The following ESRP1 variants were observed in gnomAD, a reference collection of about 807,000 sequenced individuals.
The protein encoded by ESRP1 is RNA-binding motif protein 35A.
ESRP1 carries 33 observed loss-of-function variants against 81.7 expected under a neutral mutation model. The observed-to-expected ratio is 0.40, with a 90% CI of 0.31 to 0.54. The LOEUF (loss-of-function observed/expected upper bound fraction) is 0.54. ESRP1 is among the 20% of genes least tolerant of loss of function. ESRP1 has a pLI of 0.41. For missense variants in ESRP1, 672 were observed against 833.1 expected, an observed-to-expected ratio of 0.81 and a Z score of 2.38; for synonymous variants, 320 against 303.3, an observed-to-expected ratio of 1.06 and a Z score of -0.57.
At chr8:94,703,316 A>G (rs1329984062) in intron 15 of ESRP1, among the ~76,000 whole-genome samples, 2 of 151,776 alleles carry the variant, frequency 1.3e-5, no homozygotes, top group Non-Finnish European at 2.9e-5. Context: ...CGCTACTCCC[A>G]GCTTATTTAT....
chr8:94,703,976 G>GGA (rs1185053356), intron 15 of ESRP1, among the ~76,000 whole-genome samples: 10 of 152,152 alleles, frequency 6.6e-5, no homozygotes, highest in Non-Finnish European at 2.9e-5. Context: ...TAGTGTCAAA[G>GGA]GAGAAGCCTT....
chr8:94,683,669 A>G (rs1483180988), intron 13 of ESRP1, among the ~76,000 whole-genome samples: 3 of 152,228 alleles, frequency 2.0e-5, no homozygotes, highest in African/African-American at 7.2e-5. Flanking sequence ...AAATGATGCT[A>G]GAAATAATAG....
rs188240017 is a variant in ESRP1 at position 94,700,212 on chromosome 8, G to A, written c.*35+3251G>A. 1.7e-3 allele frequency among the ~76,000 whole-genome samples: 256 copies of A among 152,286 alleles called. 1 individual carries two copies. The highest frequency in any genetic ancestry group is 6.0e-3 in the African/African-American group (249 of 41,558). Reference sequence around the variant, plus strand: ...TCCAGTGGACTGCATGGTGGCTACCGAGATACGTCCACATCCTGATCCCTG... The same window carrying A: ...TCCAGTGGACTGCATGGTGGCTACCAAGATACGTCCACATCCTGATCCCTG... On this transcript the variant is annotated intron_variant, in intron 15 of 15. Transcript: ENST00000433389.
intron 15 of ESRP1, among the ~76,000 whole-genome samples, chr8:94,700,743 C>T (rs1000768570): frequency 3.3e-5 from 5 of 151,492 alleles, no homozygotes; most frequent in Non-Finnish European, 7.4e-5. Context: ...TCCTGGCTAA[C>T]ACGGTGAAAC....
At chr8:94,682,478 C>A (rs771551468) in intron 13 of ESRP1, among the ~76,000 whole-genome samples, 1 of 152,008 alleles carries the variant, frequency 6.6e-6, no homozygotes. Flanking sequence ...GCGATCCTCA[C>A]GCCTCAGTCT....
intron 3 of ESRP1, 40 bp downstream of exon 3, chr8:94,643,456 T>C (rs1235745301): frequency 7.2e-7 from 1 of 1,384,430 alleles, no homozygotes; most frequent in Admixed American, 1.8e-5. Context: ...GGTTGGAGCT[T>C]TGGGGTGACT....
intron 15 of ESRP1, among the ~76,000 whole-genome samples, chr8:94,705,156 CTTTTTTTTTTTTT>C (rs57801249): frequency 2.4e-4 from 22 of 90,554 alleles, no homozygotes; most frequent in South Asian, 1.2e-3. Flanking sequence ...TGCCTTATTG[CTTTTTTTTTTTTT>C]TTTTTTTTTT....
chr8:94,691,170 G>A lies in ESRP1; in HGVS notation c.1821-1507G>A, dbSNP rs181664775. ...AATCTCACATTGTGATCACATAGTAGCCTTTAAAATATATTTATATCAATG... is the reference window on the plus strand; with the variant it reads ...AATCTCACATTGTGATCACATAGTAACCTTTAAAATATATTTATATCAATG... On this transcript the variant is annotated intron_variant, in intron 13 of 15. Coordinates refer to ENST00000433389, the MANE Select transcript of ESRP1 (RefSeq NM_017697.4). Among the ~76,000 whole-genome samples, 10 of 152,218 alleles carry A rather than the reference G, an allele frequency of 6.6e-5. No homozygotes were observed. In the East Asian group the frequency reaches 1.9e-3, roughly 29 times the overall value.
intron 14 of ESRP1, among the ~76,000 whole-genome samples, chr8:94,694,598 T>C (rs59847618): frequency 0.02 from 3,100 of 152,296 alleles, 97 homozygotes; most frequent in African/African-American, 0.069. Flanking sequence ...AACGAGACTC[T>C]GTTTCAGAAA....
rs1177357708 is a variant in ESRP1, at chr8:94,695,348, C to CTTTTTTTTTTTTTT, written c.1972-1493_1972-1480dup. On this transcript the variant is annotated intron_variant, in intron 14 of 15. Transcript: ENST00000433389. ...GAGTAAATAAAATTTCTTTTTCTTT[C>CTTTTTTTTTTTTTT]TTTTTTTTTTTTTTTTTTTTTTTTG... 2.9e-4 allele frequency among the ~76,000 whole-genome samples: 18 copies of CTTTTTTTTTTTTTT among 61,174 alleles called. 2 individuals carry two copies. Among genetic ancestry groups the CTTTTTTTTTTTTTT allele is most frequent in the African/African-American group, 9.5e-4 (16 of 16,854 alleles). 40.1% of individuals were successfully genotyped at this position (61,174 alleles called of 152,430 possible). A position where few individuals can be genotyped will look rare whatever the true frequency, so the allele number is the denominator to read the frequency against.
intron 4 of ESRP1, 67 bp from the exon 5 acceptor site, chr8:94,662,205 T>C: frequency 9.8e-7 from 1 of 1,022,028 alleles, no homozygotes; most frequent in Non-Finnish European, 1.4e-6. Context: ...TTGGTATAGG[T>C]TTAATTTTGA....
rs765366869 is a variant in ESRP1 at position 94,664,822 on chromosome 8, A to G, written c.755+15A>G. On this transcript the variant is annotated intron_variant, in intron 7 of 15. Transcript: ENST00000433389. Reference sequence around the variant, plus strand: ...AATATTGCCAAGTTGGTTTTCTTAAATATCTATTTTACTTAACAATCCCAA... The same window carrying G: ...AATATTGCCAAGTTGGTTTTCTTAAGTATCTATTTTACTTAACAATCCCAA... The G allele has an allele frequency of 1.9e-6, 3 of 1,612,872 alleles. No homozygotes were observed. Among genetic ancestry groups the G allele is most frequent in the Non-Finnish European group, 2.5e-6 (3 of 1,179,080 alleles).
At chr8:94,654,817 G>A (rs1818315146) in intron 4 of ESRP1, among the ~76,000 whole-genome samples, 1 of 151,740 alleles carries the variant, frequency 6.6e-6, no homozygotes, top group Non-Finnish European at 1.5e-5. Context: ...TGTGGTCCAT[G>A]CTACTTGGGA....
chr8:94,698,169 CATT>C (rs1198320375), intron 15 of ESRP1, among the ~76,000 whole-genome samples: 1 of 152,200 alleles, frequency 6.6e-6, no homozygotes, highest in Non-Finnish European at 1.5e-5. Context: ...TGTACATTCA[CATT>C]ATTGTGCAGC....
intron 4 of ESRP1, among the ~76,000 whole-genome samples, chr8:94,654,919 C>CA (rs570390350): frequency 0.21 from 23,381 of 109,526 alleles, 2,214 homozygotes; most frequent in Non-Finnish European, 0.27. Context: ...GATCCTGCCT[C>CA]AAAAAAAAAA....
chr8:94,643,231 C>T (rs1421723983), intron 2 of ESRP1, 72 bp from the exon 3 acceptor site: 1 of 1,063,902 alleles, frequency 9.4e-7, no homozygotes, highest in Non-Finnish European at 1.4e-6. Context: ...TGGCTATCAC[C>T]AAGGGGAGCT....
At chr8:94,694,247 A>G (rs901305124) in intron 14 of ESRP1, among the ~76,000 whole-genome samples, 1 of 152,222 alleles carries the variant, frequency 6.6e-6, no homozygotes, top group African/African-American at 2.4e-5. Flanking sequence ...TTACATTCAC[A>G]CTGAATAGAA....
intron 4 of ESRP1, among the ~76,000 whole-genome samples, chr8:94,650,263 G>GCT (rs1818058527): frequency 1.5e-5 from 2 of 135,038 alleles, no homozygotes; most frequent in East Asian, 4.1e-4. Context: ...TGTTTGTTTT[G>GCT]TTTTTTTTTA....
In ESRP1 at chr8:94,641,401, A is replaced by C. The variant is rs758676114; in HGVS notation, c.83A>C (p.Lys28Thr). 6.2e-7 allele frequency: 1 copy of C among 1,613,796 alleles called. No homozygotes were observed. The change falls in exon 1 of 16, where the codon AAG becomes ACG. Residue 28 changes from lysine (K) to threonine (T), a missense_variant. Physicochemically the swap from Lys to Thr is moderately conservative, Grantham distance 78. Transcript: ENST00000433389. ...GGGGCCAAGCTAGGCTCGGATGAGA[A>C]GGAGTTGATCCTGCTGTTCTGGAAA... ...ATGAKLGSDE[K>T]ELILLFWKVV... is the part of the protein sequence containing the mutation.
Sources: gnomAD v4.1 joint callset for allele counts (sites outside exome capture counted in the v4.1 genomes callset) on GRCh38, gnomAD v4.1.1 for gene constraint, MANE v1.5 for transcripts, NCBI Gene and HGNC (gene_info 2026-07-23, HGNC 2026-07-21) for gene names.